The following COL5A2 variants were observed in gnomAD, a reference collection of about 807,000 sequenced individuals.
COL5A2 encodes collagen type V alpha 2 chain.
COL5A2 carries 23 observed loss-of-function variants against 208.2 expected under a neutral mutation model. The ratio of observed to expected loss-of-function variants is 0.11; its 90% CI spans 0.08 to 0.16. The LOEUF (loss-of-function observed/expected upper bound fraction) is 0.16, where lower values mean the gene tolerates loss of function less well. Among genes scored for constraint, COL5A2 ranks in the 10% least tolerant of loss-of-function variants. The pLI is 1.00. For synonymous variants in COL5A2, 625 were observed against 628.5 expected, an observed-to-expected ratio of 0.99 and a Z score of 0.08; for missense variants, 1,590 against 1,956.4, an observed-to-expected ratio of 0.81 and a Z score of 3.53.
At chr2:189,056,948 C>G (rs370900113) in intron 35 of COL5A2, 25 bp downstream of exon 35, 7 of 1,612,492 alleles carry the variant, frequency 4.3e-6, no homozygotes, top group Non-Finnish European at 5.9e-6. Context: ...CCTAGCCCAG[C>G]TAGAAAAGGA....
intron 17 of COL5A2, among the ~76,000 whole-genome samples, chr2:189,072,675 G>A (rs543494949): frequency 1.3e-5 from 2 of 149,734 alleles, no homozygotes; most frequent in South Asian, 2.1e-4. Context: ...GGGAGGCTGA[G>A]GCAGGAGAAT....
In COL5A2 at chr2:189,033,854, GAAAA is replaced by G; in HGVS notation, c.*212_*215del. On this transcript the variant is annotated 3_prime_UTR_variant, in exon 54 of 54. Coordinates refer to ENST00000374866, the MANE Select transcript of COL5A2 (RefSeq NM_000393.5). ...CATCTTAAACCTAAACTGTTGTATT[GAAAA>G]ATATTTAAAATCAATTAAAACTTGA... 1.6e-6 allele frequency: 1 copy of G among 634,246 alleles called. No individual in the cohort carries two copies. The allele number at this position is 634,246 out of a possible 1,614,324, so 39.3% of individuals were successfully genotyped here.
chr2:189,304,339 G>T, the COL5A2 span, among the ~76,000 whole-genome samples: 1 of 152,206 alleles, frequency 6.6e-6, no homozygotes, highest in Non-Finnish European at 1.5e-5. Context: ...TAGTAATAGT[G>T]ATACAGATAA....
the COL5A2 span, among the ~76,000 whole-genome samples, chr2:189,231,172 G>T: frequency 6.7e-6 from 1 of 149,524 alleles, no homozygotes; most frequent in Non-Finnish European, 1.5e-5. Flanking sequence ...GGAGCTAGGA[G>T]GATGGGAAAA....
chr2:189,363,311 C>T, the COL5A2 span, among the ~76,000 whole-genome samples: 2 of 151,956 alleles, frequency 1.3e-5, no homozygotes, highest in African/African-American at 4.8e-5. Context: ...AATAGATCAC[C>T]TTTATCAGGT....
chr2:189,284,465 A>G, the COL5A2 span, among the ~76,000 whole-genome samples: 1 of 152,170 alleles, frequency 6.6e-6, no homozygotes, highest in Non-Finnish European at 1.5e-5. Flanking sequence ...TTACTACGGC[A>G]GAGCAAGAGA....
chr2:189,210,910 A>G (rs1689204615), intron 1 of COL5A2, among the ~76,000 whole-genome samples: 1 of 152,188 alleles, frequency 6.6e-6, no homozygotes, highest in Admixed American at 6.5e-5. Flanking sequence ...TCTGCAAACA[A>G]TCCACTTCCT....
the COL5A2 span, among the ~76,000 whole-genome samples, chr2:189,288,551 T>C: frequency 1.1e-3 from 169 of 152,106 alleles, no homozygotes; most frequent in Admixed American, 2.6e-3. Context: ...AGATGAATAA[T>C]GAGTAAAGAG....
the COL5A2 span, among the ~76,000 whole-genome samples, chr2:189,414,753 CAA>C: frequency 0.013 from 885 of 70,332 alleles, 3 homozygotes; most frequent in African/African-American, 0.036. Flanking sequence ...GACTCTGTCT[CAA>C]AAAAAAAAAA....
chr2:189,243,812 T>C, the COL5A2 span, among the ~76,000 whole-genome samples: 2 of 152,132 alleles, frequency 1.3e-5, no homozygotes, highest in Non-Finnish European at 2.9e-5. Context: ...AAAAGCAAGA[T>C]AGTTACTTCC....
intron 18 of COL5A2, 25 bp downstream of exon 18, chr2:189,072,015 C>A (rs1559090187): frequency 2.0e-6 from 3 of 1,480,012 alleles, no homozygotes; most frequent in Non-Finnish European, 2.8e-6. Flanking sequence ...GCGTTAAATA[C>A]TGTATATTAA....
At chr2:189,130,062 T>A (rs1220423574) in intron 1 of COL5A2, among the ~76,000 whole-genome samples, 1 of 152,062 alleles carries the variant, frequency 6.6e-6, no homozygotes, top group East Asian at 1.9e-4. Flanking sequence ...ATGCGTTTTC[T>A]GTCTTCTCCA....
At chr2:189,357,758 GGTATGAAA>G in the COL5A2 span, among the ~76,000 whole-genome samples, 1 of 70,076 alleles carries the variant, frequency 1.4e-5, no homozygotes, top group Non-Finnish European at 3.2e-5. Context: ...GTGCCACTCG[GGTATGAAA>G]AAAAAAAAAA....
At chr2:189,132,185 A>G (rs17198773) in intron 1 of COL5A2, among the ~76,000 whole-genome samples, 22,895 of 152,286 alleles carry the variant, frequency 0.15, 2,058 homozygotes, top group Non-Finnish European at 0.2. Flanking sequence ...ATCTATTTTT[A>G]TGATACGTAA....
intron 34 of COL5A2, 73 bp from the exon 35 acceptor site, chr2:189,057,099 G>A: frequency 3.4e-6 from 5 of 1,485,744 alleles, no homozygotes; most frequent in African/African-American, 1.4e-5. Context: ...AGTTTCATGA[G>A]AGTGAAGGCT....
At chr2:189,165,036 T>C (rs1006165830) in intron 1 of COL5A2, among the ~76,000 whole-genome samples, 1 of 152,224 alleles carries the variant, frequency 6.6e-6, no homozygotes, top group East Asian at 1.9e-4. Flanking sequence ...TAAAATATCA[T>C]TAAAATAAAC....
At chr2:189,203,571 T>C (rs1478620431) in intron 1 of COL5A2, among the ~76,000 whole-genome samples, 3 of 152,230 alleles carry the variant, frequency 2.0e-5, no homozygotes, top group African/African-American at 4.8e-5. Flanking sequence ...CTAAGCACTT[T>C]TGTCACCTTG....
the COL5A2 span, among the ~76,000 whole-genome samples, chr2:189,423,539 A>G: frequency 6.6e-6 from 1 of 152,116 alleles, no homozygotes; most frequent in Non-Finnish European, 1.5e-5. Context: ...GAAACAAAAA[A>G]TATCACAGTG....
the COL5A2 span, among the ~76,000 whole-genome samples, chr2:189,291,488 T>C: frequency 6.6e-6 from 1 of 152,174 alleles, no homozygotes; most frequent in East Asian, 1.9e-4. Context: ...TCCCTTATAG[T>C]TGAAATTGAT....
Sources: gnomAD v4.1 joint callset for allele counts (sites outside exome capture counted in the v4.1 genomes callset) on GRCh38, gnomAD v4.1.1 for gene constraint, MANE v1.5 for transcripts, NCBI Gene and HGNC (gene_info 2026-07-23, HGNC 2026-07-21) for gene names.